NPAS3: variants seen among roughly 807,000 people sequenced by gnomAD.
NPAS3 encodes the protein neuronal PAS domain protein 3, also known as neuronal PAS domain-containing protein 3.
In NPAS3, 14 loss-of-function variants were observed where a neutral mutation model predicts 73.1. That is an observed-to-expected ratio of 0.19 (90% confidence interval 0.13 to 0.30). The LOEUF is 0.30. Among genes scored for constraint, NPAS3 ranks in the 10% least tolerant of loss-of-function variants. The probability of loss-of-function intolerance (pLI) is 1.00; values close to 1 mark genes in which losing one functional copy is unlikely to be tolerated. For missense variants in NPAS3, 1,096 were observed against 1,250.0 expected (o/e 0.88, Z 1.86); for synonymous variants, 620 against 541.5 (o/e 1.14, Z -2.01).
chr14:33,096,080 A>G (rs1049359024), intron 2 of NPAS3, among the ~76,000 whole-genome samples: 1 of 151,304 alleles, frequency 6.6e-6, no homozygotes, highest in African/African-American at 2.4e-5. Flanking sequence ...TGAGTCTGGC[A>G]GTAGGGAAAC....
At chr14:33,022,883 T>C (rs2039661938) in intron 1 of NPAS3, among the ~76,000 whole-genome samples, 2 of 152,148 alleles carry the variant, frequency 1.3e-5, no homozygotes, top group South Asian at 4.1e-4. Context: ...TGTTCTGTGG[T>C]TGCTTTACAG....
intron 4 of NPAS3, among the ~76,000 whole-genome samples, chr14:33,438,544 G>A (rs1258531963): frequency 1.3e-5 from 2 of 152,284 alleles, no homozygotes; most frequent in African/African-American, 4.8e-5. Flanking sequence ...TAGAAGAATT[G>A]CTCAAAAAGG....
chr14:32,999,202 A>G (rs1475242882), intron 1 of NPAS3, among the ~76,000 whole-genome samples: 1 of 152,096 alleles, frequency 6.6e-6, no homozygotes, highest in African/African-American at 2.4e-5. Flanking sequence ...GAGGAATTAG[A>G]TGGGTATTAT....
chr14:33,294,303 C>A (rs2042211623), intron 3 of NPAS3, among the ~76,000 whole-genome samples: 1 of 152,176 alleles, frequency 6.6e-6, no homozygotes, highest in African/African-American at 2.4e-5. Context: ...CCACTGCCTA[C>A]AGACATATTT....
intron 4 of NPAS3, among the ~76,000 whole-genome samples, chr14:33,529,883 A>T (rs1427265124): frequency 1.3e-5 from 2 of 152,164 alleles, no homozygotes; most frequent in East Asian, 3.9e-4. Context: ...AAGCGGCAGC[A>T]TGTTCTATTA....
chr14:33,738,885 G>A (rs1271411278), intron 7 of NPAS3, among the ~76,000 whole-genome samples: 4 of 152,148 alleles, frequency 2.6e-5, no homozygotes, highest in African/African-American at 4.8e-5. Flanking sequence ...TAGGTATAGC[G>A]CATGGGGTAA....
chr14:33,336,729 T>G (rs979970630), intron 3 of NPAS3, among the ~76,000 whole-genome samples: 2 of 152,162 alleles, frequency 1.3e-5, no homozygotes, highest in African/African-American at 4.8e-5. Flanking sequence ...TCACAAATAT[T>G]GCCTACACTC....
chr14:33,087,905 A>G (rs532047396), intron 2 of NPAS3, among the ~76,000 whole-genome samples: 12 of 152,342 alleles, frequency 7.9e-5, no homozygotes, highest in Admixed American at 3.3e-4. Flanking sequence ...TTGTTTTCAT[A>G]CTTCAGTAAG....
chr14:33,044,192 G>A (rs1195543119), intron 1 of NPAS3, among the ~76,000 whole-genome samples: 2 of 152,194 alleles, frequency 1.3e-5, no homozygotes, highest in African/African-American at 2.4e-5. Flanking sequence ...GCCATGAATA[G>A]TCATATTAAT....
chr14:33,700,386 C>T (rs1316572138), intron 6 of NPAS3, among the ~76,000 whole-genome samples: 5 of 152,154 alleles, frequency 3.3e-5, no homozygotes, highest in South Asian at 2.1e-4. Flanking sequence ...AAATGGGGAG[C>T]GAAAATATGC....
At chr14:32,944,222 ATG>A (rs2036156769) in intron 1 of NPAS3, among the ~76,000 whole-genome samples, 1 of 152,186 alleles carries the variant, frequency 6.6e-6, no homozygotes. Context: ...CCTCCATGCT[ATG>A]TTTACACAGT....
intron 6 of NPAS3, among the ~76,000 whole-genome samples, chr14:33,721,498 C>T (rs896775826): frequency 6.6e-6 from 1 of 152,144 alleles, no homozygotes; most frequent in Middle Eastern, 3.2e-3. Context: ...AAAAAAATCA[C>T]ATAAAACACT....
At chr14:33,685,080 G>T (rs2140379329) in intron 6 of NPAS3, among the ~76,000 whole-genome samples, 1 of 152,290 alleles carries the variant, frequency 6.6e-6, no homozygotes, top group Non-Finnish European at 1.5e-5. Context: ...CTTGCTAACG[G>T]GGATTGTGTA....
intron 1 of NPAS3, among the ~76,000 whole-genome samples, chr14:32,946,342 ACACGCG>A (rs1373872344): frequency 1.1e-5 from 1 of 89,382 alleles, no homozygotes; most frequent in Non-Finnish European, 2.5e-5. Flanking sequence ...CAACACACAC[ACACGCG>A]CACACACACA....
At chr14:33,539,878 C>G (rs139000054) in intron 4 of NPAS3, among the ~76,000 whole-genome samples, 48 of 152,236 alleles carry the variant, frequency 3.2e-4, no homozygotes, top group African/African-American at 1.1e-3. Flanking sequence ...GGATATTCTT[C>G]TATCATAACA....
chr14:33,023,183 A>G (rs2039672938), intron 1 of NPAS3, among the ~76,000 whole-genome samples: 1 of 152,178 alleles, frequency 6.6e-6, no homozygotes, highest in Non-Finnish European at 1.5e-5. Flanking sequence ...TTATGATCAC[A>G]TTTCACATCT....
At chr14:33,656,167 C>G (rs2059140099) in intron 5 of NPAS3, among the ~76,000 whole-genome samples, 1 of 152,160 alleles carries the variant, frequency 6.6e-6, no homozygotes, top group South Asian at 2.1e-4. Context: ...ACACTGCAAA[C>G]AGAAGACTAG....
chr14:33,435,035 A>T lies in NPAS3; in HGVS notation c.468+67767A>T, dbSNP rs191816355. Reference sequence around the variant, plus strand: ...GGGAATAGACTCACCTGCAGATTGGAGATGTTTAATTCAGTGATCTTAGTC... The same window carrying T: ...GGGAATAGACTCACCTGCAGATTGGTGATGTTTAATTCAGTGATCTTAGTC... On this transcript the variant is annotated intron_variant, in intron 4 of 11. Coordinates refer to ENST00000356141, the Ensembl canonical transcript of NPAS3. Among the ~76,000 whole-genome samples, 5 of 152,312 alleles carry T rather than the reference A, an allele frequency of 3.3e-5. No homozygotes were observed. In the East Asian group the frequency reaches 9.6e-4, roughly 29 times the overall value.
chr14:33,260,649 A>G (rs2048943023), intron 3 of NPAS3, among the ~76,000 whole-genome samples: 1 of 151,976 alleles, frequency 6.6e-6, no homozygotes, highest in African/African-American at 2.4e-5. Context: ...ATATTTCAGA[A>G]TTTTTTTCTT....
Sources: gnomAD v4.1 joint callset for allele counts (sites outside exome capture counted in the v4.1 genomes callset) on GRCh38, gnomAD v4.1.1 for gene constraint, MANE v1.5 for transcripts, NCBI Gene and HGNC (gene_info 2026-07-23, HGNC 2026-07-21) for gene names.